Variants in MACROD2 observed in about 807,000 individuals in gnomAD.
MACROD2 encodes the protein mono-ADP ribosylhydrolase 2.
In MACROD2, 36 loss-of-function variants were observed where a neutral mutation model predicts 70.4. The ratio of observed to expected loss-of-function variants is 0.51; its 90% CI spans 0.39 to 0.68. MACROD2 has a LOEUF of 0.68. MACROD2 is among the 30% of genes least tolerant of loss of function. MACROD2 has a pLI of 0.00. For synonymous variants in MACROD2, 172 were observed against 178.8 expected (o/e 0.96, Z 0.30); for missense variants, 496 against 538.4 (o/e 0.92, Z 0.78).
chr20:14,347,525 G>T (rs1398081421), intron 3 of MACROD2, among the ~76,000 whole-genome samples: 1 of 152,068 alleles, frequency 6.6e-6, no homozygotes, highest in African/African-American at 2.4e-5. Context: ...GATGGTAAGG[G>T]TACACAAATA....
At chr20:14,425,383 A>G (rs2083921743) in intron 3 of MACROD2, among the ~76,000 whole-genome samples, 1 of 152,208 alleles carries the variant, frequency 6.6e-6, no homozygotes, top group Non-Finnish European at 1.5e-5. Flanking sequence ...GTAATGCTAT[A>G]CAAATTATGA....
chr20:14,101,374 C>T (rs1454536234), intron 3 of MACROD2, among the ~76,000 whole-genome samples: 6 of 151,678 alleles, frequency 4.0e-5, no homozygotes, highest in African/African-American at 1.5e-4. Context: ...TAATCTAAGC[C>T]CCTGAGTTTA....
chr20:14,120,309 A>T (rs2054570391), intron 3 of MACROD2, among the ~76,000 whole-genome samples: 1 of 152,122 alleles, frequency 6.6e-6, no homozygotes. Context: ...ATGCACAACA[A>T]AACCACACTG....
At chr20:14,399,287 C>T (rs2083613323) in intron 3 of MACROD2, among the ~76,000 whole-genome samples, 1 of 152,068 alleles carries the variant, frequency 6.6e-6, no homozygotes, top group African/African-American at 2.4e-5. Context: ...TCCCAAACTG[C>T]CACCGTGCCT....
intron 8 of MACROD2, among the ~76,000 whole-genome samples, chr20:15,696,455 G>C (rs1320105202): frequency 6.6e-6 from 1 of 152,112 alleles, no homozygotes; most frequent in East Asian, 1.9e-4. Context: ...CTTGTATTTT[G>C]TTAAGGATTT....
intron 5 of MACROD2, among the ~76,000 whole-genome samples, chr20:15,054,517 G>T (rs1283732318): frequency 6.6e-6 from 1 of 152,040 alleles, no homozygotes; most frequent in Admixed American, 6.6e-5. Context: ...ATTAAGGTAG[G>T]TACATTATTT....
chr20:14,732,078 G>T (rs532208884), intron 5 of MACROD2, among the ~76,000 whole-genome samples: 4 of 152,212 alleles, frequency 2.6e-5, no homozygotes, highest in African/African-American at 9.6e-5. Flanking sequence ...TTTTAAGAAT[G>T]TAAAGGGGCT....
intron 10 of MACROD2, among the ~76,000 whole-genome samples, chr20:15,891,980 C>T (rs1458793669): frequency 6.6e-6 from 1 of 152,106 alleles, no homozygotes; most frequent in Non-Finnish European, 1.5e-5. Flanking sequence ...TAGAGGGCCA[C>T]ATGGAGAAGG....
chr20:14,287,687 T>G (rs1436575371), intron 3 of MACROD2, among the ~76,000 whole-genome samples: 1 of 152,196 alleles, frequency 6.6e-6, no homozygotes, highest in East Asian at 1.9e-4. Context: ...AATCAAGGTT[T>G]GAGCCAGGGC....
chr20:15,687,905 G>A (rs755569328), intron 8 of MACROD2, among the ~76,000 whole-genome samples: 9 of 151,984 alleles, frequency 5.9e-5, no homozygotes, highest in Non-Finnish European at 1.3e-4. Context: ...TCATCTGTTG[G>A]TTATACACTC....
chr20:14,468,433 C>A (rs2084483545), intron 3 of MACROD2, among the ~76,000 whole-genome samples: 1 of 145,414 alleles, frequency 6.9e-6, no homozygotes, highest in Non-Finnish European at 1.5e-5. Context: ...GGATTGCAAC[C>A]CCTGCTTTTT....
At chr20:15,739,584 A>C (rs2051074922) in intron 8 of MACROD2, among the ~76,000 whole-genome samples, 1 of 152,220 alleles carries the variant, frequency 6.6e-6, no homozygotes, top group Non-Finnish European at 1.5e-5. Context: ...TTACCCTTGA[A>C]GTTAATCTTA....
intron 3 of MACROD2, among the ~76,000 whole-genome samples, chr20:14,120,319 G>T (rs1224797003): frequency 1.3e-5 from 2 of 151,792 alleles, no homozygotes; most frequent in African/African-American, 4.8e-5. Flanking sequence ...AAACCACACT[G>T]GGAGACCATC....
intron 8 of MACROD2, among the ~76,000 whole-genome samples, chr20:15,649,400 C>T (rs988398438): frequency 1.3e-5 from 2 of 151,770 alleles, no homozygotes; most frequent in African/African-American, 4.8e-5. Context: ...ATTTCAAGAG[C>T]GCTCCAAGAG....
At chr20:14,109,325 C>G (rs1569162547) in intron 3 of MACROD2, among the ~76,000 whole-genome samples, 3 of 151,666 alleles carry the variant, frequency 2.0e-5, no homozygotes, top group Admixed American at 6.6e-5. Context: ...AATAAATAAC[C>G]TATTGATGCA....
intron 9 of MACROD2, among the ~76,000 whole-genome samples, chr20:15,864,184 G>A (rs150830805): frequency 1.2e-4 from 18 of 151,752 alleles, no homozygotes; most frequent in African/African-American, 3.9e-4. Context: ...GTTGAGACGA[G>A]TTGAATTAAA....
intron 4 of MACROD2, among the ~76,000 whole-genome samples, chr20:14,666,404 G>T (rs2070737077): frequency 6.6e-6 from 1 of 152,044 alleles, no homozygotes; most frequent in African/African-American, 2.4e-5. Flanking sequence ...CCAGAAAGTT[G>T]GGGACTTTCT....
At chr20:15,003,277 A>G (rs1444940205) in intron 5 of MACROD2, among the ~76,000 whole-genome samples, 2 of 152,204 alleles carry the variant, frequency 1.3e-5, no homozygotes, top group Non-Finnish European at 2.9e-5. Flanking sequence ...TGTAAAAAGG[A>G]TATGAAACAA....
In MACROD2 at chr20:15,944,546, GT is replaced by G. The variant is rs1293779637; in HGVS notation, c.907+7005del. On this transcript the variant is annotated intron_variant, in intron 12 of 17. Coordinates refer to ENST00000684519, the MANE Select transcript of MACROD2 (RefSeq NM_001351661.2). ...TAATTGTGTATTCCAGTAAATAAAT[GT>G]TTATATTCTTATCCAGTCTCAATTT... 5.3e-5 allele frequency among the ~76,000 whole-genome samples: 8 copies of G among 152,156 alleles called. No individual in the cohort carries two copies. In the East Asian group the frequency reaches 1.4e-3, roughly 26 times the overall value.
Sources: gnomAD v4.1 joint callset for allele counts (sites outside exome capture counted in the v4.1 genomes callset) on GRCh38, gnomAD v4.1.1 for gene constraint, MANE v1.5 for transcripts, NCBI Gene and HGNC (gene_info 2026-07-23, HGNC 2026-07-21) for gene names.